Variants in NRXN3 observed in about 807,000 individuals in gnomAD.
NRXN3 encodes the protein neurexin III.
Under a neutral mutation model 137.6 loss-of-function variants are expected in NRXN3, and 32 were observed. The observed-to-expected ratio is 0.23, with a 90% CI of 0.18 to 0.31. The LOEUF (loss-of-function observed/expected upper bound fraction) is 0.31. Ranked by LOEUF, NRXN3 falls within the 10% of genes least tolerant of loss-of-function variation. The probability of loss-of-function intolerance (pLI) is 1.00; values close to 1 mark genes in which losing one functional copy is unlikely to be tolerated. For synonymous variants in NRXN3, 798 were observed against 784.5 expected (o/e 1.02, Z -0.29); for missense variants, 1,574 against 2,062.5 (o/e 0.76, Z 4.59).
intron 4 of NRXN3, among the ~76,000 whole-genome samples, chr14:78,463,674 T>G (rs925048956): frequency 4.1e-5 from 6 of 145,020 alleles, no homozygotes; most frequent in Non-Finnish European, 6.0e-5. Context: ...GCATACTAGA[T>G]GCAACACAGA....
At chr14:78,943,624 A>T (rs1464431627) in intron 10 of NRXN3, among the ~76,000 whole-genome samples, 2 of 15,840 alleles carry the variant, frequency 1.3e-4, no homozygotes, top group Non-Finnish European at 3.0e-4. Context: ...AAAAAAAAAT[A>T]TATATATATA....
chr14:79,183,238 G>T (rs2063139776), intron 15 of NRXN3, among the ~76,000 whole-genome samples: 1 of 152,066 alleles, frequency 6.6e-6, no homozygotes, highest in Non-Finnish European at 1.5e-5. Flanking sequence ...TCATTGCTCT[G>T]CTTGAAGCAG....
At chr14:78,725,017 C>T (rs752591363) in intron 8 of NRXN3, among the ~76,000 whole-genome samples, 2 of 152,158 alleles carry the variant, frequency 1.3e-5, no homozygotes, top group Non-Finnish European at 2.9e-5. Flanking sequence ...TTTCATGCTT[C>T]TTAGCATGTT....
chr14:79,440,851 C>T (rs992480818), intron 15 of NRXN3, among the ~76,000 whole-genome samples: 6 of 152,128 alleles, frequency 3.9e-5, no homozygotes, highest in African/African-American at 1.4e-4. Flanking sequence ...GGTGTGCTAG[C>T]TTAGATGGCT....
chr14:79,346,698 T>C (rs117626347), intron 15 of NRXN3, among the ~76,000 whole-genome samples: 2,280 of 152,300 alleles, frequency 0.015, 30 homozygotes, highest in Non-Finnish European at 0.025. Flanking sequence ...TGTTTCTGTG[T>C]GAAATGTGTT....
At chr14:79,667,770 C>G (rs1231627868) in intron 17 of NRXN3, among the ~76,000 whole-genome samples, 1 of 151,974 alleles carries the variant, frequency 6.6e-6, no homozygotes, top group African/African-American at 2.4e-5. Context: ...ATTGTTGTCC[C>G]TATACAATGC....
intron 8 of NRXN3, among the ~76,000 whole-genome samples, chr14:78,752,849 A>C (rs1325374480): frequency 6.6e-6 from 1 of 152,124 alleles, no homozygotes; most frequent in African/African-American, 2.4e-5. Flanking sequence ...TAGGAGCTTT[A>C]TTCTAAGGAC....
intron 16 of NRXN3, among the ~76,000 whole-genome samples, chr14:79,577,184 C>G (rs1364606): frequency 0.16 from 23,956 of 152,148 alleles, 2,389 homozygotes; most frequent in African/African-American, 0.28. Context: ...GCCTCCCAAG[C>G]CTTGTGGAAC....
chr14:78,668,890 C>T (rs1032755852), intron 6 of NRXN3, among the ~76,000 whole-genome samples: 60 of 152,104 alleles, frequency 3.9e-4, no homozygotes, highest in Admixed American at 1.6e-3. Context: ...GCAGGCAAAA[C>T]TTGATAATTA....
chr14:79,479,227 C>T (rs2096585755), intron 16 of NRXN3, among the ~76,000 whole-genome samples: 1 of 152,000 alleles, frequency 6.6e-6, no homozygotes, highest in Admixed American at 6.6e-5. Context: ...AACCCATATT[C>T]TTATCTGTGG....
intron 10 of NRXN3, among the ~76,000 whole-genome samples, chr14:78,872,202 C>A (rs1010801057): frequency 1.3e-5 from 2 of 148,568 alleles, no homozygotes; most frequent in South Asian, 2.1e-4. Context: ...TCTTCCAATT[C>A]TTTTGTTGAA....
At chr14:78,398,772 A>G (rs1236894013) in intron 4 of NRXN3, among the ~76,000 whole-genome samples, 1 of 152,192 alleles carries the variant, frequency 6.6e-6, no homozygotes, top group African/African-American at 2.4e-5. Context: ...CTGAATAGAA[A>G]TAAAAATCCA....
At chr14:78,880,046 C>T (rs974137305) in intron 10 of NRXN3, among the ~76,000 whole-genome samples, 21 of 141,272 alleles carry the variant, frequency 1.5e-4, no homozygotes, top group Non-Finnish European at 2.2e-4. Context: ...GAGACCATCC[C>T]GGCTAAAACG....
intron 4 of NRXN3, among the ~76,000 whole-genome samples, chr14:78,612,483 T>C (rs1192692217): frequency 1.3e-5 from 2 of 152,234 alleles, no homozygotes; most frequent in East Asian, 3.8e-4. Flanking sequence ...TCAATGTTTG[T>C]ACTTCCCAGC....
At chr14:78,232,901 C>T (rs1443157986) in intron 1 of NRXN3, among the ~76,000 whole-genome samples, 1 of 152,218 alleles carries the variant, frequency 6.6e-6, no homozygotes, top group Non-Finnish European at 1.5e-5. Context: ...TAAATGGCCA[C>T]AGCTTCTTGG....
intron 4 of NRXN3, among the ~76,000 whole-genome samples, chr14:78,583,576 G>T (rs2097027248): frequency 6.6e-6 from 1 of 152,186 alleles, no homozygotes; most frequent in Non-Finnish European, 1.5e-5. Context: ...ACTAAGCATT[G>T]TTTTGTAATA....
intron 6 of NRXN3, among the ~76,000 whole-genome samples, chr14:78,690,784 A>AG (rs1355491065): frequency 6.6e-6 from 1 of 152,178 alleles, no homozygotes; most frequent in Non-Finnish European, 1.5e-5. Context: ...GGAACCGATG[A>AG]GTTTGCTTTT....
intron 10 of NRXN3, among the ~76,000 whole-genome samples, chr14:78,832,233 T>C (rs967740821): frequency 3.9e-5 from 6 of 152,288 alleles, no homozygotes; most frequent in Middle Eastern, 3.4e-3. Flanking sequence ...CCAAAGGTAA[T>C]GATGGCTACT....
Position 79,866,608 on chromosome 14 carries a change from A to G in NRXN3, c.*4644A>G, listed in dbSNP as rs1034071422. The G allele has an allele frequency of 1.3e-5, 2 of 152,204 alleles. No individual in the cohort carries two copies. The highest frequency in any genetic ancestry group is 2.4e-5 in the African/African-American group (1 of 41,454). 9.4% of individuals were successfully genotyped at this position (152,204 alleles called of 1,614,324 possible). A position where few individuals can be genotyped will look rare whatever the true frequency, so the allele number is the denominator to read the frequency against. ...TAGGAAGGTTTTTGAAATCATGTCA[A>G]TGAATGGGAAGAGAGAAATGGGAGA... On this transcript the variant is annotated 3_prime_UTR_variant, in exon 21 of 21. Coordinates refer to ENST00000335750, the MANE Select transcript of NRXN3 (RefSeq NM_001330195.2).
Sources: gnomAD v4.1 joint callset for allele counts (sites outside exome capture counted in the v4.1 genomes callset) on GRCh38, gnomAD v4.1.1 for gene constraint, MANE v1.5 for transcripts, NCBI Gene and HGNC (gene_info 2026-07-23, HGNC 2026-07-21) for gene names.